Variants in ANO10 observed in about 807,000 individuals in gnomAD.
ANO10 encodes anoctamin-10.
In ANO10, 77 loss-of-function variants were observed where a neutral mutation model predicts 74.7. That is an observed-to-expected ratio of 1.03 (90% confidence interval 0.86 to 1.25). The LOEUF (loss-of-function observed/expected upper bound fraction) is 1.25. Among genes scored for constraint, ANO10 ranks in the 50% most tolerant of loss-of-function variants. The pLI, the probability that ANO10 is intolerant of heterozygous loss-of-function variation, is 0.00. For synonymous variants in ANO10, 279 were observed against 284.9 expected (o/e 0.98, Z 0.21); for missense variants, 721 against 778.1 (o/e 0.93, Z 0.87).
intron 5 of ANO10, among the ~76,000 whole-genome samples, 162 bp from the exon 6 acceptor site, chr3:43,577,423 C>T (rs539816626): frequency 1.3e-5 from 2 of 152,262 alleles, no homozygotes; most frequent in South Asian, 4.1e-4. Flanking sequence ...GTATAAAGAC[C>T]CTGCTTGTCT....
At chr3:43,584,835 A>T (rs924766023) in intron 4 of ANO10, among the ~76,000 whole-genome samples, 6 of 152,162 alleles carry the variant, frequency 3.9e-5, no homozygotes, top group African/African-American at 1.4e-4. Flanking sequence ...GTAAAATGAA[A>T]ATCAAATTAA....
Position 43,577,222 on chromosome 3 carries a change from T to G in ANO10, c.632A>C (p.Tyr211Ser). Residue 211 changes from tyrosine (Y) to serine (S), a missense_variant, in exon 6 of 13, where the codon TAC becomes TCC. Transcript: ENST00000292246. ...RGYFGETIAL[Y>S]FGFLEYFTFA... ...AGTGAAATACTCCAAAAATCCAAAG[T>G]ACAGAGCAATTGTTTCCCCAAAGTA... 10 of 1,614,058 alleles carry G rather than the reference T, an allele frequency of 6.2e-6. No homozygotes were observed. Among genetic ancestry groups the G allele is most frequent in the Non-Finnish European group, 8.5e-6 (10 of 1,180,002 alleles).
rs187669096 is a variant in ANO10, at chr3:43,457,479, T to C, written c.1798-24752A>G. Among the ~76,000 whole-genome samples, 9 of 152,252 alleles carry C rather than the reference T, an allele frequency of 5.9e-5. No individual in the cohort carries two copies. In the East Asian group the frequency reaches 1.4e-3, roughly 23 times the overall value. The stretch of plus-strand genomic sequence containing the variant: ...AGAGAAGGGAGCAAGAGAGGAACTA[T>C]TGAAACACTTATAAAAACCACCAGA... On this transcript the variant is annotated intron_variant, in intron 11 of 12. Coordinates refer to ENST00000292246, the MANE Select transcript of ANO10 (RefSeq NM_018075.5).
intron 5 of ANO10, among the ~76,000 whole-genome samples, chr3:43,579,582 G>A (rs1312565648): frequency 1.3e-5 from 2 of 152,144 alleles, no homozygotes; most frequent in African/African-American, 4.8e-5. Context: ...AGCCAGGCAT[G>A]GTGGCACATG....
chr3:43,553,270 G>A (rs1365026584), intron 10 of ANO10, among the ~76,000 whole-genome samples: 1 of 152,080 alleles, frequency 6.6e-6, no homozygotes, highest in South Asian at 2.1e-4. Flanking sequence ...AAGTGTTTAC[G>A]ATGTGTGTTG....
chr3:43,638,639 T>C (rs1474583202), intron 1 of ANO10: 1 of 152,176 alleles, frequency 6.6e-6, no homozygotes, highest in Admixed American at 6.6e-5. Flanking sequence ...GTCAAGGGCC[T>C]GATTCCCAGC....
chr3:43,413,849 A>G (rs1443063928), intron 12 of ANO10, among the ~76,000 whole-genome samples: 1 of 151,694 alleles, frequency 6.6e-6, no homozygotes, highest in African/African-American at 2.4e-5. Flanking sequence ...AGTAGCCTGC[A>G]TGTCTCACAG....
chr3:43,506,083 TTACTC>T (rs1351005562), intron 11 of ANO10, among the ~76,000 whole-genome samples: 1 of 152,208 alleles, frequency 6.6e-6, no homozygotes, highest in African/African-American at 2.4e-5. Flanking sequence ...TTAATGCATT[TTACTC>T]TATGTGTGTT....
chr3:43,549,893 C>T (rs757544557), intron 10 of ANO10, 45 bp from the exon 11 acceptor site: 1 of 1,604,908 alleles, frequency 6.2e-7, no homozygotes, highest in South Asian at 1.1e-5. Context: ...ATGACTGCTT[C>T]CATATTTCCT....
chr3:43,641,773 T>C (rs2083672671), intron 1 of ANO10, among the ~76,000 whole-genome samples: 1 of 152,156 alleles, frequency 6.6e-6, no homozygotes, highest in African/African-American at 2.4e-5. Context: ...TTTACATGAG[T>C]GCTCCTCCAA....
At chr3:43,588,399 T>C (rs2081574104) in intron 4 of ANO10, among the ~76,000 whole-genome samples, 1 of 152,032 alleles carries the variant, frequency 6.6e-6, no homozygotes, top group Non-Finnish European at 1.5e-5. Flanking sequence ...GCCTTTTCCA[T>C]TGAAATGGGA....
intron 12 of ANO10, 46 bp from the exon 13 acceptor site, chr3:43,367,020 T>G (rs888413940): frequency 1.2e-5 from 19 of 1,547,024 alleles, no homozygotes; most frequent in East Asian, 7.0e-5. Context: ...GAAGCCTAAG[T>G]AGTGGCCGAG....
intron 11 of ANO10, among the ~76,000 whole-genome samples, chr3:43,463,124 G>A (rs1355008341): frequency 1.3e-5 from 2 of 152,198 alleles, no homozygotes; most frequent in Non-Finnish European, 2.9e-5. Flanking sequence ...AGTCTCTACT[G>A]GAGCACTGTC....
chr3:43,606,912 T>C (rs1368870453), intron 1 of ANO10, among the ~76,000 whole-genome samples: 2 of 152,140 alleles, frequency 1.3e-5, no homozygotes, highest in East Asian at 3.8e-4. Context: ...CATATATATG[T>C]GCATATATAT....
intron 11 of ANO10, among the ~76,000 whole-genome samples, chr3:43,499,321 C>T (rs951923390): frequency 1.3e-5 from 2 of 152,088 alleles, no homozygotes; most frequent in African/African-American, 4.8e-5. Context: ...CAGCCATGTA[C>T]AGTCAAGTGT....
chr3:43,574,668 T>A lies in ANO10; in HGVS notation c.1218+141A>T, dbSNP rs1687563124. The A allele has an allele frequency of 4.3e-6, 3 of 703,158 alleles. No individual in the cohort carries two copies. In the African/African-American group the frequency reaches 5.3e-5, roughly 13 times the overall value. 43.6% of individuals were successfully genotyped at this position (703,158 alleles called of 1,614,324 possible). A position where few individuals can be genotyped will look rare whatever the true frequency, so the allele number is the denominator to read the frequency against. ...GCTACTGAACACAGAGGTACACATA[T>A]TTATTAATCAATCCTTGCCTATTTG... On this transcript the variant is annotated intron_variant, in intron 7 of 12. Transcript: ENST00000292246.
intron 2 of ANO10, among the ~76,000 whole-genome samples, chr3:43,604,504 C>CTT (rs549252213): frequency 7.0e-5 from 10 of 142,202 alleles, no homozygotes; most frequent in Non-Finnish European, 1.4e-4. Context: ...CTTGTATCTT[C>CTT]TTTTTTTTTT....
Position 43,477,154 on chromosome 3 carries a change from A to T in ANO10, c.1798-44427T>A, listed in dbSNP as rs558845498. 2.6e-5 allele frequency among the ~76,000 whole-genome samples: 4 copies of T among 152,328 alleles called. No homozygotes were observed. In the South Asian group the frequency reaches 6.2e-4, roughly 24 times the overall value. On this transcript the variant is annotated intron_variant, in intron 11 of 12. Coordinates refer to ENST00000292246, the MANE Select transcript of ANO10 (RefSeq NM_018075.5). ...TTATCTACTGGTTTACAAATAGAGA[A>T]ATCTTTCATTATCCCTCAAATTAAA...
At chr3:43,565,382 T>TA (rs781465622) in intron 8 of ANO10, among the ~76,000 whole-genome samples, 5 of 152,214 alleles carry the variant, frequency 3.3e-5, no homozygotes, top group African/African-American at 7.2e-5. Flanking sequence ...TTTTTGCTGT[T>TA]AGAGTTGCTT....
Sources: allele counts gnomAD v4.1 joint callset (sites outside exome capture counted in the v4.1 genomes callset), GRCh38; gene constraint gnomAD v4.1.1; transcripts MANE v1.5; gene names NCBI Gene and HGNC (gene_info 2026-07-23, HGNC 2026-07-21).